The following ACOT7 variants were observed in gnomAD, a reference collection of about 807,000 sequenced individuals.
ACOT7 encodes the protein cytosolic acyl coenzyme A thioester hydrolase.
A neutral mutation model predicts 40.2 loss-of-function variants in ACOT7; 12 were observed. The ratio of observed to expected loss-of-function variants is 0.30; its 90% confidence interval spans 0.19 to 0.48. The LOEUF (loss-of-function observed/expected upper bound fraction) is 0.48, where lower values mean the gene tolerates loss of function less well. ACOT7 is among the 20% of genes least tolerant of loss of function. The probability of loss-of-function intolerance (pLI) is 0.99; values close to 1 mark genes in which losing one functional copy is unlikely to be tolerated. For missense variants in ACOT7, 395 were observed against 530.8 expected (o/e 0.74, Z 2.51); for synonymous variants, 228 against 219.5 (o/e 1.04, Z -0.34).
intron 1 of ACOT7, among the ~76,000 whole-genome samples, chr1:6,368,006 C>A (rs1642052313): frequency 6.6e-6 from 1 of 152,306 alleles, no homozygotes; most frequent in African/African-American, 2.4e-5. Context: ...TGTCATCTTT[C>A]TGTCCTCTGC....
At chr1:6,270,881 G>A (rs751686716) in intron 8 of ACOT7, among the ~76,000 whole-genome samples, 7 of 152,184 alleles carry the variant, frequency 4.6e-5, no homozygotes, top group Admixed American at 4.6e-4. Flanking sequence ...ATGGCCCGGG[G>A]TCACCTTAAC....
At position 6,311,214 on chromosome 1, in the gene ACOT7, G is replaced by A. The variant is rs1210133512; in HGVS notation, c.712+7278C>T. 6.6e-6 allele frequency among the ~76,000 whole-genome samples: 1 copy of A among 152,216 alleles called. No homozygotes were observed. Among genetic ancestry groups the A allele is most frequent in the Non-Finnish European group, 1.5e-5 (1 of 68,036 alleles). On this transcript the variant is annotated intron_variant, in intron 6 of 8. Transcript: ENST00000361521. This position sits in a 1 kb window ranked among gnomAD's most constrained non-coding sequence, Gnocchi z 5.2. ...ACCTTGACTTCTGTTTCAGAGCAGAGTTAGTTTTTACTCAGAGCCGATGTG... is the reference window on the plus strand; with the variant it reads ...ACCTTGACTTCTGTTTCAGAGCAGAATTAGTTTTTACTCAGAGCCGATGTG...
chr1:6,354,330 G>A (rs116198664), intron 1 of ACOT7, among the ~76,000 whole-genome samples: 154 of 152,216 alleles, frequency 1.0e-3, no homozygotes, highest in African/African-American at 3.7e-3. Context: ...GGTGAGCCAG[G>A]AGCAGAGGTC....
chr1:6,324,088 G>A (rs1640734266), intron 5 of ACOT7, among the ~76,000 whole-genome samples: 2 of 151,866 alleles, frequency 1.3e-5, no homozygotes, highest in South Asian at 4.2e-4. Context: ...TGACCCGGAC[G>A]CCCCTGCCAA....
At chr1:6,309,192 T>C (rs1640262596) in intron 6 of ACOT7, among the ~76,000 whole-genome samples, 1 of 152,240 alleles carries the variant, frequency 6.6e-6, no homozygotes, top group African/African-American at 2.4e-5. Context: ...CACACCCACA[T>C]TCTGCAAACC....
chr1:6,379,859 A>G (rs896577720), intron 1 of ACOT7, among the ~76,000 whole-genome samples: 4 of 151,564 alleles, frequency 2.6e-5, no homozygotes, highest in African/African-American at 9.7e-5. Flanking sequence ...TCAGGAGTTC[A>G]AGACTAGCCT....
At position 6,274,039 on chromosome 1, in the gene ACOT7, C is replaced by A. The variant is rs904592157; in HGVS notation, c.1014+7063G>T. On this transcript the variant is annotated intron_variant, in intron 8 of 8. Transcript: ENST00000361521. This position sits in a 1 kb window ranked among gnomAD's most constrained non-coding sequence, Gnocchi z 5.9. ...CGGTCAGGAATGGCCACCTCTGCTC[C>A]TGAGGCTTCTTCGAGAGGAACGGGG... 3.3e-5 allele frequency among the ~76,000 whole-genome samples: 5 copies of A among 152,218 alleles called. No individual in the cohort carries two copies. The highest frequency in any genetic ancestry group is 6.5e-5 in the Admixed American group (1 of 15,284).
chr1:6,327,218 T>A, intron 5 of ACOT7, 81 bp downstream of exon 5: 1 of 1,392,644 alleles, frequency 7.2e-7, no homozygotes, highest in Non-Finnish European at 1.0e-6. Context: ...AGCATGAGGC[T>A]CACGTAGGCC....
intron 8 of ACOT7, among the ~76,000 whole-genome samples, chr1:6,265,304 G>A (rs1368210952): frequency 2.0e-5 from 3 of 152,178 alleles, no homozygotes; most frequent in Non-Finnish European, 4.4e-5. Context: ...GGAGAGAAGT[G>A]GGGAAAGCCA....
Position 6,294,762 on chromosome 1 carries a change from A to G in ACOT7, c.829+102T>C. On this transcript the variant is annotated intron_variant, in intron 7 of 8. Transcript: ENST00000361521. This position sits in a 1 kb window ranked among gnomAD's most constrained non-coding sequence, Gnocchi z 4.6. ...TCCCTGTGGCAGATGGGCACACACC[A>G]AGGCCCACATGACCCTGGGTGTGAA... The G allele has an allele frequency of 1.2e-6, 1 of 852,488 alleles. No homozygotes were observed. The highest frequency in any genetic ancestry group is 2.0e-5 in the Admixed American group (1 of 49,574). 52.8% of individuals were successfully genotyped at this position (852,488 alleles called of 1,614,324 possible).
At chr1:6,391,760 T>C (rs1356965424) in intron 1 of ACOT7, among the ~76,000 whole-genome samples, 2 of 152,034 alleles carry the variant, frequency 1.3e-5, no homozygotes, top group African/African-American at 4.8e-5. Flanking sequence ...AAACTGCCAT[T>C]TCCTCCTCCA....
At position 6,340,005 on chromosome 1, in the gene ACOT7, A is replaced by G. The variant is rs189922283; in HGVS notation, c.262-416T>C. 1.3e-3 allele frequency among the ~76,000 whole-genome samples: 202 copies of G among 150,134 alleles called. 8 individuals carry two copies. Among genetic ancestry groups the G allele is most frequent in the African/African-American group, 4.3e-3 (171 of 39,904 alleles). On this transcript the variant is annotated intron_variant, in intron 2 of 8. Transcript: ENST00000361521. ...TTTTGAGATGGAGTCTCGCTCTGTC[A>G]CCCAGGCTGGAGTGCAGTGGTGCGA...
intron 6 of ACOT7, among the ~76,000 whole-genome samples, chr1:6,315,763 A>C (rs2148418715): frequency 6.7e-6 from 1 of 150,366 alleles, no homozygotes; most frequent in African/African-American, 2.5e-5. Context: ...TAAAAAAAAA[A>C]AAAAAAAAAA....
intron 6 of ACOT7, among the ~76,000 whole-genome samples, chr1:6,300,092 G>A (rs987934240): frequency 1.3e-5 from 2 of 152,210 alleles, no homozygotes; most frequent in Non-Finnish European, 2.9e-5. Flanking sequence ...TTGTTAACTG[G>A]AGTATGTGAG....
chr1:6,326,574 C>T (rs1640804060), intron 5 of ACOT7, among the ~76,000 whole-genome samples: 1 of 152,148 alleles, frequency 6.6e-6, no homozygotes, highest in Non-Finnish European at 1.5e-5. Flanking sequence ...GAAGAAGTGG[C>T]GCTTGAACAG....
Position 6,330,687 on chromosome 1 carries a change from T to A in ACOT7, c.510+2790A>T, listed in dbSNP as rs1640931690. ...AACAGGGGCCACGCTGAAAGCACCC[T>A]GTCCCTGCAGCGAGGGGATGGGAGC... On this transcript the variant is annotated intron_variant, in intron 4 of 8. Coordinates refer to ENST00000361521, the MANE Select transcript of ACOT7 (RefSeq NM_007274.4). The surrounding 1 kb of genome is among the most constrained non-coding windows in gnomAD (Gnocchi z 4.6). 6.6e-6 allele frequency among the ~76,000 whole-genome samples: 1 copy of A among 152,170 alleles called. No homozygotes were observed. Among genetic ancestry groups the A allele is most frequent in the Non-Finnish European group, 1.5e-5 (1 of 68,020 alleles).
chr1:6,327,611 G>C (rs1184649452), intron 4 of ACOT7, among the ~76,000 whole-genome samples, 198 bp from the exon 5 acceptor site: 1 of 152,148 alleles, frequency 6.6e-6, no homozygotes, highest in East Asian at 1.9e-4. Flanking sequence ...GAGACAACCT[G>C]GGTCAAGTGT....
intron 1 of ACOT7, among the ~76,000 whole-genome samples, chr1:6,375,764 G>A (rs376764058): frequency 2.6e-5 from 4 of 151,010 alleles, no homozygotes; most frequent in East Asian, 2.0e-4. Context: ...GTGAAACCCC[G>A]TCTCTACTAA....
chr1:6,339,872 TA>T, intron 2 of ACOT7, among the ~76,000 whole-genome samples: 1 of 150,326 alleles, frequency 6.7e-6, no homozygotes, highest in Non-Finnish European at 1.5e-5. Flanking sequence ...CCCGAGTAGC[TA>T]GGACTACAGG....
Sources: gnomAD v4.1 joint callset for allele counts (sites outside exome capture counted in the v4.1 genomes callset) on GRCh38, gnomAD v4.1.1 for gene constraint, Gnocchi (gnomAD v3.1) non-coding constraint, MANE v1.5 for transcripts, NCBI Gene and HGNC (gene_info 2026-07-23, HGNC 2026-07-21) for gene names.